Variants in HMBOX1 observed in about 807,000 individuals in gnomAD.
HMBOX1 encodes the protein homeobox-containing protein 1.
A neutral mutation model predicts 54.5 loss-of-function variants in HMBOX1; 14 were observed. The observed-to-expected ratio is 0.26, with a 90% confidence interval of 0.17 to 0.40. The LOEUF is 0.40. Among genes scored for constraint, HMBOX1 ranks in the 10% least tolerant of loss-of-function variants. The pLI is 1.00. For synonymous variants in HMBOX1, 160 were observed against 181.0 expected, an observed-to-expected ratio of 0.88 and a Z score of 0.93; for missense variants, 332 against 514.4, an observed-to-expected ratio of 0.65 and a Z score of 3.43.
intron 5 of HMBOX1, among the ~76,000 whole-genome samples, chr8:29,014,970 G>A (rs527698794): frequency 6.6e-5 from 10 of 152,250 alleles, no homozygotes; most frequent in African/African-American, 7.2e-5. Flanking sequence ...ATGAGCCACC[G>A]CGCCCGGCCT....
intron 5 of HMBOX1, chr8:29,009,524 T>TC: frequency 4.6e-4 from 6 of 13,162 alleles, no homozygotes; most frequent in Non-Finnish European, 6.7e-4. Flanking sequence ...TCCGTATCTC[T>TC]TTTTTTTTTT....
intron 6 of HMBOX1, among the ~76,000 whole-genome samples, chr8:29,034,402 T>C (rs895339010): frequency 3.3e-5 from 5 of 152,350 alleles, no homozygotes; most frequent in East Asian, 1.9e-4. Context: ...TGTCATCATC[T>C]TACTAGGTTT....
At chr8:29,049,602 C>A (rs1293844362) in intron 9 of HMBOX1, 20 of 556,712 alleles carry the variant, frequency 3.6e-5, no homozygotes, top group Non-Finnish European at 5.3e-5. Context: ...AAGTGCAATA[C>A]CTGCATGACT....
chr8:28,910,159 G>A (rs1585716958), intron 1 of HMBOX1, among the ~76,000 whole-genome samples: 1 of 152,174 alleles, frequency 6.6e-6, no homozygotes, highest in Admixed American at 6.5e-5. Context: ...TTATGTAAAT[G>A]GAATCAGACA....
At chr8:28,931,969 G>A (rs972659520) in intron 1 of HMBOX1, among the ~76,000 whole-genome samples, 1 of 152,214 alleles carries the variant, frequency 6.6e-6, no homozygotes, top group African/African-American at 2.4e-5. Flanking sequence ...AAGGTTGGGA[G>A]GACATATATA....
At position 29,051,332 on chromosome 8, in the gene HMBOX1, C is replaced by A; in HGVS notation, c.*177C>A. 1.5e-6 allele frequency: 1 copy of A among 664,476 alleles called. No homozygotes were observed. The highest frequency in any genetic ancestry group is 2.7e-5 in the East Asian group (1 of 36,802). The allele number at this position is 664,476 out of a possible 1,614,324, so 41.2% of individuals were successfully genotyped here. ...TGCCCTCAGCCTTTGCATATACTCT[C>A]TCAGTATTAACTCCCAGTAAATAAT... On this transcript the variant is annotated 3_prime_UTR_variant, in exon 10 of 10. Coordinates refer to ENST00000287701, the MANE Select transcript of HMBOX1 (RefSeq NM_001135726.3).
At chr8:28,949,555 C>T (rs1212401223) in intron 1 of HMBOX1, 1 of 152,102 alleles carries the variant, frequency 6.6e-6, no homozygotes, top group African/African-American at 2.4e-5. Context: ...TTTAGTATCA[C>T]AGAATCTTTT....
At chr8:28,948,070 G>C (rs1485187856) in intron 1 of HMBOX1, among the ~76,000 whole-genome samples, 2 of 152,140 alleles carry the variant, frequency 1.3e-5, no homozygotes, top group South Asian at 4.1e-4. Context: ...TTGCAGGCTT[G>C]AGCCACTGTA....
chr8:28,960,765 CTTTTTTTTTTTTTTTTTTTTTT>C (rs1162477676), intron 1 of HMBOX1, among the ~76,000 whole-genome samples: 4 of 16,258 alleles, frequency 2.5e-4, no homozygotes, highest in Admixed American at 1.0e-3. Flanking sequence ...TTTTCTTTTT[CTTTTTTTTTTTTTTTTTTTTTT>C]TTTTTTTTTT....
Position 28,963,867 on chromosome 8 carries a change from T to C in HMBOX1, c.-1T>C. 1 of 1,601,812 alleles carries C rather than the reference T, an allele frequency of 6.2e-7. No homozygotes were observed. Among genetic ancestry groups the C allele is most frequent in the Non-Finnish European group, 8.5e-7 (1 of 1,172,826 alleles). ...GGATATTGATCCGCCTCATGTAAAG[T>C]ATGCTTAGTTCCTTTCCAGTGGTGT... On this transcript the variant is annotated 5_prime_UTR_variant, in exon 2 of 10. Coordinates refer to ENST00000287701, the MANE Select transcript of HMBOX1 (RefSeq NM_001135726.3).
At chr8:28,901,008 A>T (rs959979741) in intron 1 of HMBOX1, among the ~76,000 whole-genome samples, 6 of 151,988 alleles carry the variant, frequency 3.9e-5, no homozygotes, top group Non-Finnish European at 8.8e-5. Context: ...TTTTGTGTAA[A>T]CCTCTATGTG....
intron 1 of HMBOX1, among the ~76,000 whole-genome samples, chr8:28,906,259 G>C (rs1814313809): frequency 6.6e-6 from 1 of 152,124 alleles, no homozygotes; most frequent in Non-Finnish European, 1.5e-5. Flanking sequence ...CTTCTTTCCT[G>C]CACTTTCTGC....
chr8:28,929,332 G>T (rs1159189068), intron 1 of HMBOX1, among the ~76,000 whole-genome samples: 2 of 152,128 alleles, frequency 1.3e-5, no homozygotes, highest in Non-Finnish European at 1.5e-5. Context: ...TCTCATTCTT[G>T]TTGGCTCTGT....
At chr8:28,927,831 CA>C (rs34952149) in intron 1 of HMBOX1, among the ~76,000 whole-genome samples, 8,001 of 52,402 alleles carry the variant, frequency 0.15, 230 homozygotes, top group East Asian at 0.4. Flanking sequence ...AACTCAGTCT[CA>C]AAAAAAAAAA....
chr8:28,956,094 A>G (rs1586072268), intron 1 of HMBOX1: 1 of 152,204 alleles, frequency 6.6e-6, no homozygotes. Flanking sequence ...ATTTTAATAT[A>G]TATCACTATA....
At chr8:28,895,255 G>T (rs973104349) in intron 1 of HMBOX1, among the ~76,000 whole-genome samples, 1 of 152,242 alleles carries the variant, frequency 6.6e-6, no homozygotes, top group Non-Finnish European at 1.5e-5. Context: ...ATTAAGTAGC[G>T]TGGAGTTGCC....
At chr8:28,917,157 A>G (rs1432252673) in intron 1 of HMBOX1, among the ~76,000 whole-genome samples, 2 of 152,096 alleles carry the variant, frequency 1.3e-5, no homozygotes, top group Non-Finnish European at 2.9e-5. Flanking sequence ...CGTTAGAGCA[A>G]TTTGGGCAGA....
chr8:29,029,398 T>C (rs1470402540), intron 6 of HMBOX1, among the ~76,000 whole-genome samples: 2 of 152,246 alleles, frequency 1.3e-5, no homozygotes, highest in African/African-American at 4.8e-5. Flanking sequence ...CCTATCTGGA[T>C]GTTTCTTTGG....
chr8:29,035,575 T>G (rs1803723181), intron 6 of HMBOX1, among the ~76,000 whole-genome samples: 1 of 152,176 alleles, frequency 6.6e-6, no homozygotes, highest in Non-Finnish European at 1.5e-5. Flanking sequence ...GTTTGTGAAC[T>G]GGTTAAGTGC....
Sources: gnomAD v4.1 joint callset for allele counts (sites outside exome capture counted in the v4.1 genomes callset) on GRCh38, gnomAD v4.1.1 for gene constraint, MANE v1.5 for transcripts, NCBI Gene and HGNC (gene_info 2026-07-23, HGNC 2026-07-21) for gene names.